Variants in FLRT2 observed in about 807,000 individuals in gnomAD.
FLRT2 encodes the protein leucine-rich repeat transmembrane protein FLRT2.
FLRT2 carries 15 observed loss-of-function variants against 40.0 expected under a neutral mutation model. That is an observed-to-expected ratio of 0.38 (90% CI 0.25 to 0.58). The LOEUF is 0.58. FLRT2 is among the 20% of genes least tolerant of loss of function. The pLI, the probability that FLRT2 is intolerant of heterozygous loss-of-function variation, is 0.71. For synonymous variants in FLRT2, 380 were observed against 336.8 expected, an observed-to-expected ratio of 1.13 and a Z score of -1.41; for missense variants, 726 against 840.0, an observed-to-expected ratio of 0.86 and a Z score of 1.68.
At chr14:85,571,224 T>A (rs1046427783) in intron 1 of FLRT2, among the ~76,000 whole-genome samples, 2 of 152,222 alleles carry the variant, frequency 1.3e-5, no homozygotes, top group Non-Finnish European at 2.9e-5. Context: ...CCCATCATGT[T>A]AACTTAGGGT....
intron 1 of FLRT2, among the ~76,000 whole-genome samples, chr14:85,566,677 A>G (rs139676227): frequency 2.0e-5 from 3 of 152,004 alleles, no homozygotes; most frequent in East Asian, 1.9e-4. Context: ...GGTGGAATAT[A>G]CAAGGTTTAT....
chr14:85,556,473 A>G (rs994014516), intron 1 of FLRT2, among the ~76,000 whole-genome samples: 1 of 152,112 alleles, frequency 6.6e-6, no homozygotes, highest in Admixed American at 6.5e-5. Context: ...TCTGGGAGAG[A>G]AGCCACATTC....
At chr14:85,611,877 A>C (rs1161887305) in intron 1 of FLRT2, among the ~76,000 whole-genome samples, 1 of 144,886 alleles carries the variant, frequency 6.9e-6, no homozygotes, top group Non-Finnish European at 1.5e-5. Context: ...CTACCTTTTC[A>C]TGTGAGGGGA....
intron 1 of FLRT2, among the ~76,000 whole-genome samples, chr14:85,594,345 T>G (rs1892037368): frequency 6.6e-6 from 1 of 152,120 alleles, no homozygotes; most frequent in South Asian, 2.1e-4. Flanking sequence ...GTGTTGTGTG[T>G]GGAATGTGTG....
rs962914635 is a variant in FLRT2, at chr14:85,648,395, T to G, written c.*24898T>G. ...GCTGAATGCGAACGAGGTTTCACCA[T>G]TAAATATACTTATACATTTGGAAAG... is the stretch of plus-strand genomic sequence containing the variant. On this transcript the variant is annotated 3_prime_UTR_variant, in exon 2 of 2. Transcript: ENST00000330753. 40 of 152,144 alleles carry G rather than the reference T, an allele frequency of 2.6e-4. No homozygotes were observed. The highest frequency in any genetic ancestry group is 9.4e-4 in the African/African-American group (39 of 41,432). 9.4% of individuals were successfully genotyped at this position (152,144 alleles called of 1,614,324 possible).
At chr14:85,602,344 G>A (rs187656221) in intron 1 of FLRT2, among the ~76,000 whole-genome samples, 5 of 152,264 alleles carry the variant, frequency 3.3e-5, no homozygotes, top group Admixed American at 3.3e-4. Context: ...CTCCGACTTG[G>A]AGTTGTCACT....
rs772705935 is a variant in FLRT2, at chr14:85,623,454, A to G, written c.1940A>G (p.Tyr647Cys). 4.8e-6 allele frequency: 7 copies of G among 1,470,148 alleles called. No homozygotes were observed. The highest frequency in any genetic ancestry group is 6.3e-6 in the Non-Finnish European group (7 of 1,112,438). The allele number at this position is 1,470,148 out of a possible 1,614,324, so 91.1% of individuals were successfully genotyped here. A position where few individuals can be genotyped will look rare whatever the true frequency, so the allele number is the denominator to read the frequency against. ...TDCHIPNNMR[Y>C]CNSSVPDLEH... ...TGCCATATCCCCAACAACATGCGAT[A>G]CTGCAACAGCAGCGTGCCAGACCTG... Residue 647 changes from tyrosine to cysteine, a missense_variant, in exon 2 of 2, where the codon TAC becomes TGC. Tyr to Cys is a radical substitution (Grantham distance 194, BLOSUM62 -2). Coordinates refer to ENST00000330753, the MANE Select transcript of FLRT2 (RefSeq NM_013231.6).
chr14:85,605,743 G>C (rs1892578781), intron 1 of FLRT2, among the ~76,000 whole-genome samples: 1 of 152,110 alleles, frequency 6.6e-6, no homozygotes, highest in Admixed American at 6.5e-5. Context: ...TCCAGCCTGG[G>C]CAACAGAGCA....
chr14:85,562,620 C>CTTTCTTTCTTTCTTT (rs528652422), intron 1 of FLRT2: 1 of 115,522 alleles, frequency 8.7e-6, no homozygotes, highest in East Asian at 2.7e-4. Context: ...TTCTTTCTTT[C>CTTTCTTTCTTTCTTT]TTTTTTTTTT....
chr14:85,652,589 T>TTTAAATAAATTATACAACTTTAAA lies in FLRT2; in HGVS notation c.*29093_*29094insTAAATAAATTATACAACTTTAAAT, dbSNP rs1894459925. ...AAATATTATACAACTTTAAATAAAT[T>TTTAAATAAATTATACAACTTTAAA]TAAGATGACATTATGACTTATTAGG... On this transcript the variant is annotated 3_prime_UTR_variant, in exon 2 of 2. Coordinates refer to ENST00000330753, the MANE Select transcript of FLRT2 (RefSeq NM_013231.6). 6.6e-6 allele frequency: 1 copy of TTTAAATAAATTATACAACTTTAAA among 152,150 alleles called. No individual in the cohort carries two copies. Among genetic ancestry groups the TTTAAATAAATTATACAACTTTAAA allele is most frequent in the African/African-American group, 2.4e-5 (1 of 41,454 alleles). The allele number at this position is 152,150 out of a possible 1,614,324, so 9.4% of individuals were successfully genotyped here.
At chr14:85,537,893 G>A (rs1176496732) in intron 1 of FLRT2, among the ~76,000 whole-genome samples, 2 of 136,430 alleles carry the variant, frequency 1.5e-5, no homozygotes, top group Non-Finnish European at 3.2e-5. Context: ...TGGTGTTTTT[G>A]GTTTTCTTTG....
At position 85,623,608 on chromosome 14, in the gene FLRT2, T is replaced by C; in HGVS notation, c.*111T>C. ...TTTGATAAATGTTACACAGATGCATTTGTGCATTTGAATACTCTGTAATTT... is the reference window on the plus strand; with the variant it reads ...TTTGATAAATGTTACACAGATGCATCTGTGCATTTGAATACTCTGTAATTT... On this transcript the variant is annotated 3_prime_UTR_variant, in exon 2 of 2. Transcript: ENST00000330753. The C allele has an allele frequency of 2.4e-6, 2 of 836,718 alleles. No homozygotes were observed. The highest frequency in any genetic ancestry group is 3.4e-6 in the Non-Finnish European group (2 of 583,246). The allele number at this position is 836,718 out of a possible 1,614,324, so 51.8% of individuals were successfully genotyped here.
rs978082052 is a variant in FLRT2, at chr14:85,653,736, T to G, written c.*30239T>G. The G allele has an allele frequency of 6.6e-6, 1 of 152,212 alleles. No homozygotes were observed. Among genetic ancestry groups the G allele is most frequent in the Non-Finnish European group, 1.5e-5 (1 of 68,058 alleles). 9.4% of individuals were successfully genotyped at this position (152,212 alleles called of 1,614,324 possible). A position where few individuals can be genotyped will look rare whatever the true frequency, so the allele number is the denominator to read the frequency against. On this transcript the variant is annotated 3_prime_UTR_variant, in exon 2 of 2. Coordinates refer to ENST00000330753, the MANE Select transcript of FLRT2 (RefSeq NM_013231.6). Reference sequence around the variant, plus strand: ...GTGTCACTTAACCTCTGTGCTCTTCTAAGCTCCATTCCTGGCTTGTGTTGC... The same window carrying G: ...GTGTCACTTAACCTCTGTGCTCTTCGAAGCTCCATTCCTGGCTTGTGTTGC...
At chr14:85,591,628 A>T (rs1348533058) in intron 1 of FLRT2, among the ~76,000 whole-genome samples, 1 of 152,208 alleles carries the variant, frequency 6.6e-6, no homozygotes, top group African/African-American at 2.4e-5. Context: ...GGTTGTAATT[A>T]AGCACTTGAA....
At chr14:85,584,613 T>C (rs1228774657) in intron 1 of FLRT2, among the ~76,000 whole-genome samples, 1 of 152,186 alleles carries the variant, frequency 6.6e-6, no homozygotes, top group Non-Finnish European at 1.5e-5. Flanking sequence ...CCATGCCTGC[T>C]CCTCTGCAAA....
intron 1 of FLRT2, among the ~76,000 whole-genome samples, chr14:85,607,099 G>C (rs1001888201): frequency 1.3e-5 from 2 of 151,876 alleles, no homozygotes; most frequent in Non-Finnish European, 2.9e-5. Context: ...TTTTTATCCC[G>C]CTGGAGAAGA....
In FLRT2 at chr14:85,636,601, G is replaced by C. The variant is rs1894010112; in HGVS notation, c.*13104G>C. The stretch of plus-strand genomic sequence containing the variant: ...CAAAACATCTTCAGGAAAAGAAAAA[G>C]AAAGGCAAATAAAATGTTTATATGA... On this transcript the variant is annotated 3_prime_UTR_variant, in exon 2 of 2. Transcript: ENST00000330753. 1 of 151,888 alleles carries C rather than the reference G, an allele frequency of 6.6e-6. No individual in the cohort carries two copies. Among genetic ancestry groups the C allele is most frequent in the African/African-American group, 2.4e-5 (1 of 41,350 alleles). 9.4% of individuals were successfully genotyped at this position (151,888 alleles called of 1,614,324 possible).
At chr14:85,572,282 C>G (rs1173104423) in intron 1 of FLRT2, among the ~76,000 whole-genome samples, 13 of 152,168 alleles carry the variant, frequency 8.5e-5, no homozygotes, top group Admixed American at 8.5e-4. Flanking sequence ...TGTTTTAACT[C>G]ACGGTGGTTC....
intron 1 of FLRT2, among the ~76,000 whole-genome samples, chr14:85,531,828 G>C (rs2139790626): frequency 6.6e-6 from 1 of 152,314 alleles, no homozygotes; most frequent in East Asian, 1.9e-4. Flanking sequence ...AATGCAACAG[G>C]AACAGCGACC....
Sources: gnomAD v4.1 joint callset for allele counts (sites outside exome capture counted in the v4.1 genomes callset) on GRCh38, gnomAD v4.1.1 for gene constraint, MANE v1.5 for transcripts, NCBI Gene and HGNC (gene_info 2026-07-23, HGNC 2026-07-21) for gene names.